The following SYNDIG1 variants were observed in gnomAD, a reference collection of about 807,000 sequenced individuals.
The protein encoded by SYNDIG1 is synapse differentiation-inducing gene protein 1.
SYNDIG1 carries 9 observed loss-of-function variants against 19.4 expected under a neutral mutation model. The ratio of observed to expected loss-of-function variants is 0.46; its 90% CI spans 0.28 to 0.81. The LOEUF is 0.81. SYNDIG1 is among the 30% of genes least tolerant of loss of function. SYNDIG1 has a pLI of 0.12. For synonymous variants in SYNDIG1, 141 were observed against 145.9 expected (o/e 0.97, Z 0.24); for missense variants, 311 against 343.3 (o/e 0.91, Z 0.74).
chr20:24,613,556 G>A (rs532998194), intron 3 of SYNDIG1, among the ~76,000 whole-genome samples: 9 of 152,062 alleles, frequency 5.9e-5, no homozygotes, highest in South Asian at 2.1e-4. Context: ...CCCCCATTGC[G>A]GGTCCCAAAG....
chr20:24,594,672 T>G (rs1419912621), intron 3 of SYNDIG1, among the ~76,000 whole-genome samples: 1 of 152,232 alleles, frequency 6.6e-6, no homozygotes, highest in African/African-American at 2.4e-5. Flanking sequence ...GAAATATTTT[T>G]TCGGTTGATT....
intron 2 of SYNDIG1, among the ~76,000 whole-genome samples, chr20:24,558,185 T>G (rs1319193044): frequency 6.6e-6 from 1 of 152,174 alleles, no homozygotes; most frequent in African/African-American, 2.4e-5. Flanking sequence ...GGGGTACTTT[T>G]CTGAGGAAGG....
chr20:24,540,296 GA>G (rs200169892), intron 1 of SYNDIG1, among the ~76,000 whole-genome samples: 3,725 of 152,212 alleles, frequency 0.024, 102 homozygotes, highest in Admixed American at 0.072. Context: ...AGTTCTAATA[GA>G]TTTTTTTGTG....
At chr20:24,579,838 C>A (rs907464565) in intron 2 of SYNDIG1, among the ~76,000 whole-genome samples, 1 of 152,212 alleles carries the variant, frequency 6.6e-6, no homozygotes, top group Admixed American at 6.5e-5. Context: ...GAAACAGGTG[C>A]CTCACACTCT....
intron 3 of SYNDIG1, among the ~76,000 whole-genome samples, chr20:24,638,900 CA>C (rs2059344278): frequency 6.6e-6 from 1 of 152,132 alleles, no homozygotes; most frequent in Non-Finnish European, 1.5e-5. Context: ...AGGGGTAGCC[CA>C]GGGGTGCCAA....
At chr20:24,581,670 G>C (rs1600677563) in intron 2 of SYNDIG1, among the ~76,000 whole-genome samples, 1 of 152,056 alleles carries the variant, frequency 6.6e-6, no homozygotes, top group South Asian at 2.1e-4. Context: ...CAGATACCCA[G>C]ATTCCATGGG....
At chr20:24,577,196 C>T (rs1052998210) in intron 2 of SYNDIG1, among the ~76,000 whole-genome samples, 1 of 152,236 alleles carries the variant, frequency 6.6e-6, no homozygotes, top group African/African-American at 2.4e-5. Context: ...GCCCTGTGTG[C>T]ATCACACATT....
chr20:24,626,000 C>T (rs990515785), intron 3 of SYNDIG1, among the ~76,000 whole-genome samples: 5 of 150,380 alleles, frequency 3.3e-5, no homozygotes, highest in African/African-American at 1.2e-4. Flanking sequence ...GGGCTGGCCC[C>T]CCCACCTCCC....
intron 3 of SYNDIG1, among the ~76,000 whole-genome samples, chr20:24,587,903 G>A (rs1378970876): frequency 2.0e-5 from 3 of 152,206 alleles, no homozygotes; most frequent in Non-Finnish European, 4.4e-5. Context: ...CAGTCAGGCT[G>A]TGTCTGCTCA....
chr20:24,562,847 A>T (rs1293432785), intron 2 of SYNDIG1, among the ~76,000 whole-genome samples: 1 of 152,218 alleles, frequency 6.6e-6, no homozygotes, highest in Admixed American at 6.5e-5. Context: ...ATCTTTTGTT[A>T]CTGTAAGGCT....
At chr20:24,512,325 C>T (rs2056765057) in intron 1 of SYNDIG1, among the ~76,000 whole-genome samples, 1 of 150,994 alleles carries the variant, frequency 6.6e-6, no homozygotes, top group African/African-American at 2.4e-5. Flanking sequence ...TGAGTGTGAG[C>T]CAAAGCAGGG....
At chr20:24,518,042 G>A (rs1403184645) in intron 1 of SYNDIG1, among the ~76,000 whole-genome samples, 4 of 151,706 alleles carry the variant, frequency 2.6e-5, no homozygotes, top group East Asian at 1.9e-4. Context: ...TCTTGATCTC[G>A]TGATCCACCT....
At chr20:24,481,944 T>A (rs1236283646) in intron 1 of SYNDIG1, among the ~76,000 whole-genome samples, 2 of 152,180 alleles carry the variant, frequency 1.3e-5, no homozygotes, top group African/African-American at 4.8e-5. Context: ...TGATAAAGAT[T>A]AAATATATAT....
chr20:24,624,293 G>C (rs1474939917), intron 3 of SYNDIG1, among the ~76,000 whole-genome samples: 1 of 150,528 alleles, frequency 6.6e-6, no homozygotes, highest in East Asian at 1.9e-4. Flanking sequence ...ACAGAATGCT[G>C]TTTATAAGAA....
intron 1 of SYNDIG1, among the ~76,000 whole-genome samples, chr20:24,518,810 A>G (rs2056943118): frequency 1.3e-5 from 2 of 152,196 alleles, no homozygotes; most frequent in Admixed American, 1.3e-4. Flanking sequence ...AAAACATAAA[A>G]TAATTTACCA....
chr20:24,638,740 G>T (rs1298078437), intron 3 of SYNDIG1, among the ~76,000 whole-genome samples: 2 of 152,196 alleles, frequency 1.3e-5, no homozygotes, highest in Non-Finnish European at 2.9e-5. Context: ...AAAAGGAATG[G>T]CCATTGTCAA....
At chr20:24,552,404 C>A (rs1331396583) in intron 2 of SYNDIG1, among the ~76,000 whole-genome samples, 1 of 151,990 alleles carries the variant, frequency 6.6e-6, no homozygotes, top group East Asian at 1.9e-4. Flanking sequence ...TGTGCTGCAC[C>A]CATTAACTCG....
intron 3 of SYNDIG1, among the ~76,000 whole-genome samples, chr20:24,660,222 T>C (rs1320951128): frequency 1.3e-5 from 2 of 152,224 alleles, no homozygotes; most frequent in East Asian, 3.8e-4. Flanking sequence ...ACATGAATAA[T>C]TCTTATTGGG....
At chr20:24,636,938 C>A (rs375497546) in intron 3 of SYNDIG1, among the ~76,000 whole-genome samples, 1 of 152,204 alleles carries the variant, frequency 6.6e-6, no homozygotes, top group Non-Finnish European at 1.5e-5. Flanking sequence ...CTGCCTGGGG[C>A]GCAGTAGGAA....
Sources: gnomAD v4.1 joint callset for allele counts (sites outside exome capture counted in the v4.1 genomes callset) on GRCh38, gnomAD v4.1.1 for gene constraint, MANE v1.5 for transcripts, NCBI Gene and HGNC (gene_info 2026-07-23, HGNC 2026-07-21) for gene names.